The following NRAP variants were observed in gnomAD, a reference collection of about 807,000 sequenced individuals.
NRAP encodes nebulin related anchoring protein, also known as nebulin-related-anchoring protein.
NRAP carries 189 observed loss-of-function variants against 225.9 expected under a neutral mutation model. That is an observed-to-expected ratio of 0.84 (90% confidence interval 0.74 to 0.94). The LOEUF (loss-of-function observed/expected upper bound fraction) is 0.94. NRAP is among the 40% of genes least tolerant of loss of function. The pLI, the probability that NRAP is intolerant of heterozygous loss-of-function variation, is 0.00. For missense variants in NRAP, 2,176 were observed against 2,168.7 expected, an observed-to-expected ratio of 1.00 and a Z score of -0.07; for synonymous variants, 769 against 790.7, an observed-to-expected ratio of 0.97 and a Z score of 0.46.
intron 12 of NRAP, 151 bp from the exon 13 acceptor site, chr10:113,641,623 A>G: frequency 1.8e-6 from 1 of 568,244 alleles, no homozygotes. Context: ...AAAATAAGGC[A>G]AACTTTTTTT....
intron 11 of NRAP, among the ~76,000 whole-genome samples, chr10:113,645,079 T>C (rs1849422657): frequency 6.6e-6 from 1 of 152,144 alleles, no homozygotes; most frequent in Admixed American, 6.5e-5. Flanking sequence ...CAGTGCAGCA[T>C]GTAAGGTAAG....
chr10:113,624,737 C>G, intron 22 of NRAP, 89 bp downstream of exon 22: 1 of 866,954 alleles, frequency 1.2e-6, no homozygotes, highest in South Asian at 1.5e-5. Context: ...TTGATACAGA[C>G]ACTATGCCAT....
At position 113,606,208 on chromosome 10, in the gene NRAP, T is replaced by C; in HGVS notation, c.3777A>G (p.Arg1259=). ...TMTLGLPEFI[R]AKTNAANLSD... is the part of the protein sequence containing the mutation. ...TCAGGTTGGCTGCATTCGTTTTTGCTCGGATGAACTCGGGCAGACCCAGGG... is the reference window on the plus strand; with the variant it reads ...TCAGGTTGGCTGCATTCGTTTTTGCCCGGATGAACTCGGGCAGACCCAGGG... The change falls in exon 33 of 42, where the codon CGA becomes CGG. Residue 1259 remains arginine, a synonymous_variant. Coordinates refer to ENST00000359988, the MANE Select transcript of NRAP (RefSeq NM_198060.4). The C allele has an allele frequency of 6.2e-7, 1 of 1,614,130 alleles. No individual in the cohort carries two copies. Among genetic ancestry groups the C allele is most frequent in the East Asian group, 2.2e-5 (1 of 44,884 alleles).
At chr10:113,607,624 A>T (rs2419847) in intron 32 of NRAP, among the ~76,000 whole-genome samples, 77,703 of 151,936 alleles carry the variant, frequency 0.51, 20,464 homozygotes, top group East Asian at 0.71. Context: ...TTCCATCCTT[A>T]AGCCCAAGCT....
chr10:113,642,171 T>A (rs1849240249), intron 12 of NRAP, among the ~76,000 whole-genome samples: 1 of 152,194 alleles, frequency 6.6e-6, no homozygotes, highest in Admixed American at 6.5e-5. Context: ...TCTGAGTTAA[T>A]CTTCACAAGT....
Position 113,608,426 on chromosome 10 carries a change from C to G in NRAP, c.3690G>C (p.Gln1230His). 1.9e-6 allele frequency: 3 copies of G among 1,608,642 alleles called. No individual in the cohort carries two copies. The highest frequency in any genetic ancestry group is 2.6e-6 in the Non-Finnish European group (3 of 1,175,424). ...CAGGAGATTTTACCTCATTCGTTATCTGGTTGCTGAATTTCGCATGAAGGA... is the reference window on the plus strand; with the variant it reads ...CAGGAGATTTTACCTCATTCGTTATGTGGTTGCTGAATTTCGCATGAAGGA... Reference protein sequence around the residue: ...PNLLHAKFSNQITNERLYKAA... With the variant: ...PNLLHAKFSNHITNERLYKAA... The change falls in exon 32 of 42, where the codon CAG (glutamine) becomes CAC (histidine). Residue 1230 changes from glutamine to histidine, a missense_variant. By Grantham distance (24) the Gln-to-His change is conservative. Coordinates refer to ENST00000359988, the MANE Select transcript of NRAP (RefSeq NM_198060.4).
In NRAP at chr10:113,634,270, T is replaced by C. The variant is rs922532706; in HGVS notation, c.1429-60A>G. The C allele has an allele frequency of 3.3e-6, 4 of 1,222,840 alleles. No homozygotes were observed. The African/African-American group carries it at 5.9e-5, about 18-fold the overall frequency. The allele number at this position is 1,222,840 out of a possible 1,614,324, so 75.7% of individuals were successfully genotyped here. A position where few individuals can be genotyped will look rare whatever the true frequency, so the allele number is the denominator to read the frequency against. On this transcript the variant is annotated intron_variant, in intron 14 of 41. Coordinates refer to ENST00000359988, the MANE Select transcript of NRAP (RefSeq NM_198060.4). ...CTCTTTTCTCAAAGATTTGCTTAGC[T>C]CCCTCTCCCAAGCCCAATAAAGTGG...
chr10:113,592,336 C>A (rs753319756), intron 38 of NRAP, 35 bp from the exon 39 acceptor site: 2 of 1,385,358 alleles, frequency 1.4e-6, no homozygotes, highest in South Asian at 2.4e-5. Context: ...AGTAAGCAGG[C>A]AGTCACTCCA....
At chr10:113,642,714 G>C (rs938534525) in intron 12 of NRAP, among the ~76,000 whole-genome samples, 1 of 152,158 alleles carries the variant, frequency 6.6e-6, no homozygotes, top group Non-Finnish European at 1.5e-5. Flanking sequence ...GACAGGTCCC[G>C]CCCAGAGGAC....
At chr10:113,636,079 A>G (rs964982735) in intron 14 of NRAP, among the ~76,000 whole-genome samples, 1 of 152,130 alleles carries the variant, frequency 6.6e-6, no homozygotes, top group East Asian at 1.9e-4. Context: ...ACCACTGAAC[A>G]CCTCATTCAC....
intron 15 of NRAP, among the ~76,000 whole-genome samples, 191 bp downstream of exon 15, chr10:113,633,921 C>T (rs914944157): frequency 6.6e-6 from 1 of 152,140 alleles, no homozygotes; most frequent in Admixed American, 6.5e-5. Flanking sequence ...TTATGCTATA[C>T]TCTCTACTTT....
rs1477986546 is a variant in NRAP, at chr10:113,629,663, T to C, written c.1965A>G (p.Lys655=). 87 of 1,613,976 alleles carry C rather than the reference T, an allele frequency of 5.4e-5. 1 individual carries two copies. The Admixed American group carries it at 1.4e-3, about 27-fold the overall frequency. Residue 655 remains lysine (K), a synonymous_variant, in exon 19 of 42, where the codon AAA becomes AAG. Transcript: ENST00000359988. The part of the protein sequence containing the change: ...TLASDLDYRK[K]LHEYTVLPED... ...CAGGCAGCACAGTGTATTCATGCAG[T>C]TTCTTCCTGTAGTCCAGGTCACTGG...
chr10:113,648,622 A>G (rs1849746428), intron 9 of NRAP, among the ~76,000 whole-genome samples: 1 of 152,094 alleles, frequency 6.6e-6, no homozygotes, highest in Admixed American at 6.5e-5. Context: ...AGATATTTAT[A>G]GTTATCTGCC....
intron 40 of NRAP, among the ~76,000 whole-genome samples, chr10:113,590,115 C>T (rs1183566570): frequency 6.6e-6 from 1 of 152,178 alleles, no homozygotes; most frequent in Non-Finnish European, 1.5e-5. Flanking sequence ...CTTCCCTTCT[C>T]TGGGCTTCAG....
At chr10:113,592,131 C>A in intron 39 of NRAP, 63 bp downstream of exon 39, 1 of 1,038,422 alleles carries the variant, frequency 9.6e-7, no homozygotes, top group Non-Finnish European at 1.4e-6. Context: ...TGCCTTTCAA[C>A]AGAACTGGGA....
intron 37 of NRAP, among the ~76,000 whole-genome samples, chr10:113,596,168 T>C (rs1360851808): frequency 6.6e-6 from 1 of 152,230 alleles, no homozygotes; most frequent in East Asian, 1.9e-4. Flanking sequence ...ATAAGTTCTT[T>C]TTGTTATAAA....
chr10:113,608,347 T>C, intron 32 of NRAP, 67 bp downstream of exon 32: 1 of 950,612 alleles, frequency 1.1e-6, no homozygotes, highest in Non-Finnish European at 1.7e-6. Flanking sequence ...CCAAACACAT[T>C]CACGTGTATT....
chr10:113,613,050 C>G (rs1489429865), intron 29 of NRAP, among the ~76,000 whole-genome samples: 3 of 152,124 alleles, frequency 2.0e-5, no homozygotes, highest in African/African-American at 7.2e-5. Context: ...GTTTAAAGGT[C>G]TGGGAAACTC....
chr10:113,660,154 C>T lies in NRAP; in HGVS notation c.255+2525G>A, dbSNP rs141137107. On this transcript the variant is annotated intron_variant, in intron 3 of 41. Transcript: ENST00000359988. ...CATACATATATACACTCACTATATA[C>T]ACATATATACATACCACATATGCAT... Among the ~76,000 whole-genome samples, 246 of 151,902 alleles carry T rather than the reference C, an allele frequency of 1.6e-3. 5 individuals carry two copies. The East Asian group carries it at 0.043, about 27-fold the overall frequency.
Sources: allele counts gnomAD v4.1 joint callset (sites outside exome capture counted in the v4.1 genomes callset), GRCh38; gene constraint gnomAD v4.1.1; transcripts MANE v1.5; gene names NCBI Gene and HGNC (gene_info 2026-07-23, HGNC 2026-07-21).